TBRG1: variants seen among roughly 807,000 people sequenced by gnomAD.
TBRG1 encodes transforming growth factor beta regulator 1.
Under a neutral mutation model 44.0 loss-of-function variants are expected in TBRG1, and 31 were observed. The observed-to-expected ratio is 0.70, with a 90% confidence interval of 0.53 to 0.95. TBRG1 has a LOEUF of 0.95. Ranked by LOEUF, TBRG1 falls within the 40% of genes least tolerant of loss-of-function variation. The pLI is 0.00. For missense variants in TBRG1, 487 were observed against 496.1 expected, an observed-to-expected ratio of 0.98 and a Z score of 0.18; for synonymous variants, 171 against 188.1, an observed-to-expected ratio of 0.91 and a Z score of 0.74.
Position 124,625,656 on chromosome 11 carries a change from C to T in TBRG1, c.222-15C>T. The T allele has an allele frequency of 6.5e-7, 1 of 1,547,672 alleles. No homozygotes were observed. Among genetic ancestry groups the T allele is most frequent in the Non-Finnish European group, 8.7e-7 (1 of 1,145,724 alleles). On this transcript the variant is annotated splice_polypyrimidine_tract_variant and intron_variant, in intron 2 of 8. Coordinates refer to ENST00000441174, the MANE Select transcript of TBRG1 (RefSeq NM_032811.3). ...CGGAAGTTCATTTCTCTGCTCCTTT[C>T]CTTCCTGATCTCAGGTACTTGCTAA...
Position 124,628,062 on chromosome 11 carries a change from GTT to G in TBRG1, c.738+1015_738+1016del, listed in dbSNP as rs1276170977. Among the ~76,000 whole-genome samples, 13 of 83,438 alleles carry G rather than the reference GTT, an allele frequency of 1.6e-4. No individual in the cohort carries two copies. The South Asian group carries it at 2.4e-3, about 15-fold the overall frequency. The allele number at this position is 83,438 out of a possible 152,430, so 54.7% of individuals were successfully genotyped here. A position where few individuals can be genotyped will look rare whatever the true frequency, so the allele number is the denominator to read the frequency against. On this transcript the variant is annotated intron_variant, in intron 5 of 8. Coordinates refer to ENST00000441174, the MANE Select transcript of TBRG1 (RefSeq NM_032811.3). ...TTGTTCCAACTAACGTCAAGTAGCTGTTTTATATATATATATATATATATATA... is the reference window on the plus strand; with the variant it reads ...TTGTTCCAACTAACGTCAAGTAGCTGTTATATATATATATATATATATATA...
At chr11:124,625,995 G>T in intron 3 of TBRG1, 92 bp downstream of exon 3, 1 of 1,442,274 alleles carries the variant, frequency 6.9e-7, no homozygotes, top group Non-Finnish European at 9.1e-7. Context: ...CACAGCTGCA[G>T]ATGTACTTAG....
chr11:124,628,525 A>T (rs1329514430), intron 5 of TBRG1, among the ~76,000 whole-genome samples: 1 of 52,470 alleles, frequency 1.9e-5, no homozygotes, highest in African/African-American at 5.2e-5. Flanking sequence ...AGCAATATTA[A>T]AAAAAAAAAA....
chr11:124,632,283 T>A lies in TBRG1; in HGVS notation c.*45T>A, dbSNP rs751563719. ...CACATCGTTTTTGTCGTGATTAATTTAACTTAAACTAAAATTTTGGGTATA... is the reference window on the plus strand; with the variant it reads ...CACATCGTTTTTGTCGTGATTAATTAAACTTAAACTAAAATTTTGGGTATA... On this transcript the variant is annotated 3_prime_UTR_variant, in exon 9 of 9. Transcript: ENST00000441174. 6.3e-7 allele frequency: 1 copy of A among 1,581,610 alleles called. No individual in the cohort carries two copies. The highest frequency in any genetic ancestry group is 8.6e-7 in the Non-Finnish European group (1 of 1,158,534).
At chr11:124,632,041 G>T in intron 8 of TBRG1, 52 bp from the exon 9 acceptor site, 3 of 1,567,590 alleles carry the variant, frequency 1.9e-6, no homozygotes, top group Non-Finnish European at 2.6e-6. Context: ...GACCAAAACA[G>T]TCTGCCCAGA....
chr11:124,631,826 G>A (rs1372993288), intron 8 of TBRG1: 3 of 453,566 alleles, frequency 6.6e-6, no homozygotes, highest in Non-Finnish European at 1.2e-5. Flanking sequence ...TTCAGGCTTT[G>A]GGGTCATATA....
intron 5 of TBRG1, among the ~76,000 whole-genome samples, chr11:124,628,132 C>A (rs1942525578): frequency 7.1e-6 from 1 of 140,332 alleles, no homozygotes; most frequent in African/African-American, 2.6e-5. Flanking sequence ...CACACACACA[C>A]ACACACACAC....
intron 5 of TBRG1, among the ~76,000 whole-genome samples, chr11:124,629,198 G>GC (rs1942551732): frequency 6.6e-6 from 1 of 152,150 alleles, no homozygotes; most frequent in African/African-American, 2.4e-5. Flanking sequence ...AATTAGCCGG[G>GC]CCTGGTGGCG....
intron 5 of TBRG1, chr11:124,630,173 A>C: frequency 2.1e-6 from 1 of 484,572 alleles, no homozygotes; most frequent in South Asian, 2.2e-5. Context: ...AAAGCTGTCA[A>C]CCAAGAAGGG....
At chr11:124,624,850 G>A in intron 1 of TBRG1, 81 bp from the exon 2 acceptor site, 2 of 1,003,352 alleles carry the variant, frequency 2.0e-6, no homozygotes, top group Non-Finnish European at 3.0e-6. Flanking sequence ...TTTTTGGTTT[G>A]AAATATGGAT....
At chr11:124,624,779 A>G (rs936751802) in intron 1 of TBRG1, among the ~76,000 whole-genome samples, 152 bp from the exon 2 acceptor site, 3 of 152,160 alleles carry the variant, frequency 2.0e-5, no homozygotes, top group Non-Finnish European at 2.9e-5. Context: ...ACCTTTATCT[A>G]TGGATTTATT....
chr11:124,629,657 T>C (rs1006845705), intron 5 of TBRG1, among the ~76,000 whole-genome samples: 2 of 152,208 alleles, frequency 1.3e-5, no homozygotes, highest in Non-Finnish European at 1.5e-5. Context: ...GATATCATTC[T>C]AAAAAATTAT....
rs1456210208 is a variant in TBRG1 at position 124,625,657 on chromosome 11, CT to C, written c.222-12del. The C allele has an allele frequency of 6.5e-7, 1 of 1,547,966 alleles. No homozygotes were observed. On this transcript the variant is annotated splice_polypyrimidine_tract_variant and intron_variant, in intron 2 of 8. Coordinates refer to ENST00000441174, the MANE Select transcript of TBRG1 (RefSeq NM_032811.3). The stretch of plus-strand genomic sequence containing the variant: ...GGAAGTTCATTTCTCTGCTCCTTTC[CT>C]TCCTGATCTCAGGTACTTGCTAAAG...
At chr11:124,625,121 C>G (rs1942436398) in intron 2 of TBRG1, 120 bp downstream of exon 2, 4 of 669,064 alleles carry the variant, frequency 6.0e-6, no homozygotes, top group Non-Finnish European at 1.0e-5. Flanking sequence ...ATCGCACAGC[C>G]CCTTGGCCAC....
At chr11:124,626,375 G>A (rs753258045) in intron 3 of TBRG1, 98 bp from the exon 4 acceptor site, 186 of 1,124,246 alleles carry the variant, frequency 1.7e-4, no homozygotes, top group Non-Finnish European at 2.2e-4. Context: ...TATAAAACCA[G>A]GATTGGCTTA....
rs1942374303 is a variant in TBRG1 at position 124,623,083 on chromosome 11, C to T, written c.-1C>T. 6.5e-7 allele frequency: 1 copy of T among 1,547,644 alleles called. No homozygotes were observed. The highest frequency in any genetic ancestry group is 8.7e-7 in the Non-Finnish European group (1 of 1,145,342). Reference sequence around the variant, plus strand: ...TGGGGCCCCCGTAGCGGGGCTGGACCATGAGCCTGCTGGACGGCCTCGCTT... The same window carrying T: ...TGGGGCCCCCGTAGCGGGGCTGGACTATGAGCCTGCTGGACGGCCTCGCTT... On this transcript the variant is annotated 5_prime_UTR_variant, in exon 1 of 9. Transcript: ENST00000441174.
chr11:124,623,447 G>T (rs112699080), intron 1 of TBRG1: 1 of 682,096 alleles, frequency 1.5e-6, no homozygotes. Flanking sequence ...GCAGAATAAT[G>T]AATATTAAAT....
At chr11:124,630,972 C>A in intron 7 of TBRG1, 117 bp downstream of exon 7, 1 of 782,020 alleles carries the variant, frequency 1.3e-6, no homozygotes, top group Non-Finnish European at 2.1e-6. Flanking sequence ...GCTTCTCGAC[C>A]AGTAGGGCTC....
chr11:124,626,568 C>A lies in TBRG1; in HGVS notation c.550C>A (p.Pro184Thr). 1 of 1,551,542 alleles carries A rather than the reference C, an allele frequency of 6.4e-7. No individual in the cohort carries two copies. The highest frequency in any genetic ancestry group is 8.7e-7 in the Non-Finnish European group (1 of 1,146,854). Residue 184 changes from proline to threonine, a missense_variant, in exon 4 of 9, where the codon CCC (proline) becomes ACC (threonine). By Grantham distance (38) the Pro-to-Thr change is conservative. Transcript: ENST00000441174. ...ALDPSGRPVFPIGLGGLTVYS... is the reference protein window; with the variant it reads ...ALDPSGRPVFTIGLGGLTVYS... ...GGATCCCTCAGGACGGCCTGTGTTC[C>A]CCATCGGACTAGGGGGTCTAACAGT... is the stretch of plus-strand genomic sequence containing the variant.
Sources: allele counts gnomAD v4.1 joint callset (sites outside exome capture counted in the v4.1 genomes callset), GRCh38; gene constraint gnomAD v4.1.1; transcripts MANE v1.5; gene names NCBI Gene and HGNC (gene_info 2026-07-23, HGNC 2026-07-21).